ARHGEF2: variants seen among roughly 807,000 people sequenced by gnomAD.
ARHGEF2 encodes Rho/Rac guanine nucleotide exchange factor 2.
Under a neutral mutation model 121.0 loss-of-function variants are expected in ARHGEF2, and 22 were observed. The ratio of observed to expected loss-of-function variants is 0.18; its 90% CI spans 0.13 to 0.26. ARHGEF2 has a LOEUF of 0.26. Among genes scored for constraint, ARHGEF2 ranks in the 10% least tolerant of loss-of-function variants. The probability of loss-of-function intolerance (pLI) is 1.00; values close to 1 mark genes in which losing one functional copy is unlikely to be tolerated. For synonymous variants in ARHGEF2, 487 were observed against 530.0 expected (o/e 0.92, Z 1.11); for missense variants, 907 against 1,336.0 (o/e 0.68, Z 5.01).
At chr1:155,957,501 A>T (rs965746476) in intron 13 of ARHGEF2, among the ~76,000 whole-genome samples, 2 of 152,236 alleles carry the variant, frequency 1.3e-5, no homozygotes, top group Admixed American at 6.5e-5. Context: ...TGAATTTGAA[A>T]GGGAGTTGAG....
In ARHGEF2 at chr1:155,968,993, G is replaced by A. The variant is rs982701411; in HGVS notation, c.208+163C>T. 3.8e-6 allele frequency: 3 copies of A among 785,644 alleles called. No homozygotes were observed. The African/African-American group carries it at 5.2e-5, about 14-fold the overall frequency. The allele number at this position is 785,644 out of a possible 1,614,324, so 48.7% of individuals were successfully genotyped here. A position where few individuals can be genotyped will look rare whatever the true frequency, so the allele number is the denominator to read the frequency against. ...TCCAACAGCCACCACCCCTCAGAGT[G>A]AGGACAGGGAGCAAGGGATCAAGCA... On this transcript the variant is annotated intron_variant, in intron 2 of 21. Coordinates refer to ENST00000361247, the MANE Select transcript of ARHGEF2 (RefSeq NM_001162383.2).
In ARHGEF2 at chr1:155,978,238, C is replaced by G. The variant is rs1237365682; in HGVS notation, c.63+127G>C. The G allele has an allele frequency of 1.5e-6, 2 of 1,343,230 alleles. No individual in the cohort carries two copies. The highest frequency in any genetic ancestry group is 1.5e-5 in the African/African-American group (1 of 65,886). 83.2% of individuals were successfully genotyped at this position (1,343,230 alleles called of 1,614,324 possible). The stretch of plus-strand genomic sequence containing the variant: ...CCACCCACCCCGTCCCGCCGCTCGC[C>G]GATCCACCGCTCCGCCCGATTTTGG... On this transcript the variant is annotated intron_variant, in intron 1 of 21. Coordinates refer to ENST00000361247, the MANE Select transcript of ARHGEF2 (RefSeq NM_001162383.2). This position sits in a 1 kb window ranked among gnomAD's most constrained non-coding sequence, Gnocchi z 4.1.
chr1:155,971,055 T>A (rs1322904146), intron 1 of ARHGEF2: 1 of 986,798 alleles, frequency 1.0e-6, no homozygotes, highest in Admixed American at 6.2e-5. Flanking sequence ...TCTCCGCCAC[T>A]GTTCTCCTCT....
At chr1:155,966,295 C>T in intron 4 of ARHGEF2, 121 bp downstream of exon 4, 1 of 969,404 alleles carries the variant, frequency 1.0e-6, no homozygotes, top group African/African-American at 1.6e-5. Context: ...CTATCTGCTT[C>T]CAATCAAGAA....
chr1:155,959,782 C>T (rs574888264), intron 11 of ARHGEF2, among the ~76,000 whole-genome samples: 14 of 152,186 alleles, frequency 9.2e-5, no homozygotes, highest in African/African-American at 1.7e-4. Context: ...GGACCTCAGG[C>T]GATCTGCCTG....
upstream of ARHGEF2, chr1:155,979,248 A>G (rs59679578): frequency 3.2e-4 from 318 of 985,500 alleles, no homozygotes; most frequent in African/African-American, 5.4e-3. Flanking sequence ...TTGGGGGACT[A>G]GGTTGGGATT....
At position 155,962,397 on chromosome 1, in the gene ARHGEF2, C is replaced by T. The variant is rs1306508079; in HGVS notation, c.1102-175G>A. ...TTGTTGTGAGGACCAACTGAAGGAG[C>T]AAAAAGTACTTGGGAAACTACCACA... On this transcript the variant is annotated intron_variant, in intron 9 of 21. Transcript: ENST00000361247. The surrounding 1 kb of genome is among the most constrained non-coding windows in gnomAD (Gnocchi z 5.8). 1 of 1,034,486 alleles carries T rather than the reference C, an allele frequency of 9.7e-7. No homozygotes were observed. The highest frequency in any genetic ancestry group is 1.4e-6 in the Non-Finnish European group (1 of 710,498). 64.1% of individuals were successfully genotyped at this position (1,034,486 alleles called of 1,614,324 possible).
intron 3 of ARHGEF2, 150 bp downstream of exon 3, chr1:155,966,670 G>T (rs1179888246): frequency 9.5e-6 from 10 of 1,055,736 alleles, no homozygotes; most frequent in Non-Finnish European, 1.4e-5. Flanking sequence ...CCTACTTGGG[G>T]CCCGAGGCCT....
rs1234671822 is a variant in ARHGEF2, at chr1:155,969,181, T to C, written c.183A>G (p.Thr61=). Residue 61 remains threonine (T), a synonymous_variant, in exon 2 of 22, where the codon ACA becomes ACG. Transcript: ENST00000361247. ...TTGGGCAGATGAGGGCTTCCTTGGC[T>C]GTGATGCTCTTGTTACAGGCATAGC... ...TMCYACNKSI[T]AKEALICPTC... The C allele has an allele frequency of 6.2e-7, 1 of 1,614,100 alleles. No homozygotes were observed. Among genetic ancestry groups the C allele is most frequent in the Non-Finnish European group, 8.5e-7 (1 of 1,180,038 alleles).
upstream of ARHGEF2, chr1:155,979,094 TG>T (rs1486920641): frequency 8.1e-6 from 8 of 985,536 alleles, no homozygotes; most frequent in African/African-American, 1.4e-4. Flanking sequence ...AACTAAACGC[TG>T]GATCTTCAGT....
rs1674620281 is a variant in ARHGEF2, at chr1:155,947,733, G to A, written c.*209C>T. 7 of 545,116 alleles carry A rather than the reference G, an allele frequency of 1.3e-5. No homozygotes were observed. Among genetic ancestry groups the A allele is most frequent in the Non-Finnish European group, 2.3e-5 (7 of 305,224 alleles). The allele number at this position is 545,116 out of a possible 1,614,324, so 33.8% of individuals were successfully genotyped here. A position where few individuals can be genotyped will look rare whatever the true frequency, so the allele number is the denominator to read the frequency against. On this transcript the variant is annotated 3_prime_UTR_variant, in exon 22 of 22. Coordinates refer to ENST00000361247, the MANE Select transcript of ARHGEF2 (RefSeq NM_001162383.2). The stretch of plus-strand genomic sequence containing the variant: ...GAAGGCATGAACCACTGGCATCTGT[G>A]GTGTAGCTTTCGGATGTCCCAGGGG...
chr1:155,953,746 CAAAAAA>C (rs926082849), intron 14 of ARHGEF2, among the ~76,000 whole-genome samples: 1 of 45,310 alleles, frequency 2.2e-5, no homozygotes, highest in Non-Finnish European at 4.8e-5. Context: ...GACCCTGTCT[CAAAAAA>C]AAAAAAAAAA....
rs1287061010 is a variant in ARHGEF2, at chr1:155,950,977, T to C, written c.2555A>G (p.Glu852Gly). 1 of 1,608,744 alleles carries C rather than the reference T, an allele frequency of 6.2e-7. No homozygotes were observed. Among genetic ancestry groups the C allele is most frequent in the Admixed American group, 1.7e-5 (1 of 59,778 alleles). ...CAGCTGCCTTCGAGCCTCTTCGGCC[T>C]CACGCTCCAGCAGTGCCCGGGCCTG... ...SEQARALLER[E>G]AEEARRQLAA... Residue 852 changes from glutamate to glycine, a missense_variant, in exon 20 of 22, where the codon GAG (glutamate) becomes GGG (glycine). This residue lies in a region of ARHGEF2 where 432 missense variants were observed against 559.5 expected (regional missense o/e 0.77). Coordinates refer to ENST00000361247, the MANE Select transcript of ARHGEF2 (RefSeq NM_001162383.2). This position sits in a 1 kb window ranked among gnomAD's most constrained non-coding sequence, Gnocchi z 5.2.
Position 155,954,893 on chromosome 1 carries a change from T to A in ARHGEF2, c.1783+9A>T, listed in dbSNP as rs1489930013. On this transcript the variant is annotated intron_variant, in intron 14 of 21. Transcript: ENST00000361247. The stretch of plus-strand genomic sequence containing the variant: ...AAATTACTAAGGAGCTCCTTGTGGG[T>A]GGACTTACTCTTAATTCGCCGCAGG... 6.8e-6 allele frequency: 11 copies of A among 1,610,272 alleles called. 1 individual carries two copies. The South Asian group carries it at 1.2e-4, about 18-fold the overall frequency.
chr1:155,951,583 C>G lies in ARHGEF2; in HGVS notation c.2209-50G>C. ...GGGCCCCAGCTTTAGGATGGGAGAA[C>G]TGCCCAAAAGTTGAACAAGGGTGGG... On this transcript the variant is annotated intron_variant, in intron 18 of 21. Transcript: ENST00000361247. The surrounding 1 kb of genome is among the most constrained non-coding windows in gnomAD (Gnocchi z 5.1). 1 of 1,613,430 alleles carries G rather than the reference C, an allele frequency of 6.2e-7. No individual in the cohort carries two copies. Among genetic ancestry groups the G allele is most frequent in the Non-Finnish European group, 8.5e-7 (1 of 1,179,392 alleles).
intron 1 of ARHGEF2, among the ~76,000 whole-genome samples, chr1:155,975,511 G>A (rs908243536): frequency 1.3e-5 from 2 of 149,522 alleles, no homozygotes; most frequent in East Asian, 2.0e-4. Context: ...TAACCTCCAC[G>A]ACCCCTAGAA....
Position 155,978,416 on chromosome 1 carries a change from G to T in ARHGEF2, c.12C>A (p.Ile4=). 1 of 1,510,048 alleles carries T rather than the reference G, an allele frequency of 6.6e-7. No individual in the cohort carries two copies. The allele number at this position is 1,510,048 out of a possible 1,614,324, so 93.5% of individuals were successfully genotyped here. ...CGATCCGCGCCCGCGTGAGGGATTC[G>T]ATCCGAGACATAATCGGACGGGGGG... MSR[I]ESLTRARIDR... The change falls in exon 1 of 22, where the codon ATC becomes ATA. Residue 4 remains isoleucine, a synonymous_variant. Transcript: ENST00000361247. This position sits in a 1 kb window ranked among gnomAD's most constrained non-coding sequence, Gnocchi z 4.1.
At position 155,947,262 on chromosome 1, in the gene ARHGEF2, G is replaced by C; in HGVS notation, c.*680C>G. The C allele has an allele frequency of 2.4e-6, 1 of 415,028 alleles. No homozygotes were observed. Among genetic ancestry groups the C allele is most frequent in the South Asian group, 1.7e-5 (1 of 59,350 alleles). 25.7% of individuals were successfully genotyped at this position (415,028 alleles called of 1,614,324 possible). On this transcript the variant is annotated 3_prime_UTR_variant, in exon 22 of 22. Coordinates refer to ENST00000361247, the MANE Select transcript of ARHGEF2 (RefSeq NM_001162383.2). ...CTTTGGTACAAAAAAGAAAACAAAA[G>C]AACAACAAAACATTCTGGTCCCTGT...
intron 1 of ARHGEF2, among the ~76,000 whole-genome samples, chr1:155,971,838 AG>A (rs1432029623): frequency 1.3e-5 from 2 of 151,818 alleles, no homozygotes; most frequent in Non-Finnish European, 2.9e-5. Context: ...GCTTGAGGCC[AG>A]GAGTTTGAGA....
Sources: gnomAD v4.1 joint callset for allele counts (sites outside exome capture counted in the v4.1 genomes callset) on GRCh38, gnomAD v4.1.1 for gene constraint, gnomAD v4.1.1 regional missense constraint, Gnocchi (gnomAD v3.1) non-coding constraint, MANE v1.5 for transcripts, NCBI Gene and HGNC (gene_info 2026-07-23, HGNC 2026-07-21) for gene names.